RIN2: variants seen among roughly 807,000 people sequenced by gnomAD.
RIN2 encodes RAB5 interacting protein 2.
Under a neutral mutation model 78.0 loss-of-function variants are expected in RIN2, and 36 were observed. The observed-to-expected ratio is 0.46, with a 90% CI of 0.35 to 0.61. RIN2 has a LOEUF of 0.61. Among genes scored for constraint, RIN2 ranks in the 20% least tolerant of loss-of-function variants. The pLI is 0.00. For missense variants in RIN2, 1,087 were observed against 1,159.7 expected (o/e 0.94, Z 0.91); for synonymous variants, 466 against 466.8 (o/e 1.00, Z 0.02).
chr20:19,782,425 C>T (rs748311578), intron 1 of RIN2, among the ~76,000 whole-genome samples: 6 of 151,914 alleles, frequency 3.9e-5, no homozygotes, highest in Non-Finnish European at 7.4e-5. Flanking sequence ...ATTATCCAGG[C>T]GTGGTGATGC....
intron 1 of RIN2, among the ~76,000 whole-genome samples, chr20:19,767,911 C>G (rs1167058635): frequency 1.1e-5 from 1 of 93,952 alleles, no homozygotes; most frequent in Non-Finnish European, 2.1e-5. Context: ...GGCAACAGAG[C>G]AAAACTGTCT....
rs73605554 is a variant in RIN2, at chr20:19,949,479, G to T, written c.159-7136G>T. 0.023 allele frequency among the ~76,000 whole-genome samples: 3,523 copies of T among 152,282 alleles called. 327 individuals carry two copies. In the East Asian group the frequency reaches 0.3, roughly 13 times the overall value. ...GCACCATCCTTGGTTGACAGAGTAAGAATTTGTCATTTTGCCTTGAACTTT... is the reference window on the plus strand; with the variant it reads ...GCACCATCCTTGGTTGACAGAGTAATAATTTGTCATTTTGCCTTGAACTTT... On this transcript the variant is annotated intron_variant, in intron 4 of 12. Coordinates refer to ENST00000255006, the MANE Select transcript of RIN2 (RefSeq NM_018993.4).
intron 9 of RIN2, among the ~76,000 whole-genome samples, chr20:19,981,868 T>G (rs1254986677): frequency 6.6e-6 from 1 of 152,100 alleles, no homozygotes; most frequent in African/African-American, 2.4e-5. Flanking sequence ...CCCTGCAGAG[T>G]GACAGGGTGC....
intron 3 of RIN2, among the ~76,000 whole-genome samples, chr20:19,920,863 GGGTTT>G (rs1337390303): frequency 2.0e-5 from 3 of 152,180 alleles, no homozygotes; most frequent in Non-Finnish European, 2.9e-5. Context: ...AGTGGAGACG[GGGTTT>G]CACCATGTTG....
chr20:19,878,198 A>G (rs931905141), intron 2 of RIN2, among the ~76,000 whole-genome samples: 1 of 152,016 alleles, frequency 6.6e-6, no homozygotes, highest in Non-Finnish European at 1.5e-5. Flanking sequence ...TTGGGCCCAC[A>G]TCCCCTCCCT....
chr20:19,980,798 T>G (rs1404806320), intron 9 of RIN2, among the ~76,000 whole-genome samples: 1 of 152,138 alleles, frequency 6.6e-6, no homozygotes, highest in Admixed American at 6.5e-5. Context: ...TCCCTGGTCC[T>G]CAGGTCCTAC....
At chr20:19,996,956 G>A in intron 12 of RIN2, 114 bp downstream of exon 12, 4 of 1,132,078 alleles carry the variant, frequency 3.5e-6, no homozygotes, top group Non-Finnish European at 4.9e-6. Context: ...GGCAGGAAAG[G>A]GATATCTCAA....
intron 4 of RIN2, among the ~76,000 whole-genome samples, chr20:19,940,075 C>G (rs1387330853): frequency 6.6e-6 from 1 of 152,130 alleles, no homozygotes; most frequent in African/African-American, 2.4e-5. Context: ...TGGTCTTTAA[C>G]TCCTGAGTTC....
chr20:19,824,010 C>T, intron 2 of RIN2: 1 of 978,152 alleles, frequency 1.0e-6, no homozygotes, highest in Non-Finnish European at 1.5e-6. Flanking sequence ...ACCTTGGCCT[C>T]CTCCGAGCCG....
At chr20:19,945,517 C>T (rs1265839582) in intron 4 of RIN2, among the ~76,000 whole-genome samples, 1 of 152,174 alleles carries the variant, frequency 6.6e-6, no homozygotes, top group African/African-American at 2.4e-5. Context: ...CAGCAGGCCA[C>T]TTTTGTTGGA....
rs527390241 is a variant in RIN2, at chr20:19,943,421, A to G, written c.158+8222A>G. ...ACTTAAAAATTACCAAAGGCCCTAA[A>G]GGTTTTTCAGAATAGTCCTACTGTG... is the stretch of plus-strand genomic sequence containing the variant. On this transcript the variant is annotated intron_variant, in intron 4 of 12. Coordinates refer to ENST00000255006, the MANE Select transcript of RIN2 (RefSeq NM_018993.4). 3.3e-5 allele frequency among the ~76,000 whole-genome samples: 5 copies of G among 152,312 alleles called. No individual in the cohort carries two copies. The East Asian group carries it at 9.7e-4, about 29-fold the overall frequency.
Position 19,935,102 on chromosome 20 carries a change from AT to A in RIN2, c.63del (p.Ile21MetfsTer11). 6.3e-7 allele frequency: 1 copy of A among 1,592,212 alleles called. No homozygotes were observed. Among genetic ancestry groups the A allele is most frequent in the Non-Finnish European group, 8.6e-7 (1 of 1,169,338 alleles). ...TACTATTTTTGTCTTTGAATAGCTC[AT>A]TGACACAATTGCCTCGGAGATCGGA... ...LDKRGSFFKL[I>X]DTIASEIGEL... On this transcript the variant is annotated frameshift_variant, in exon 4 of 13. Coordinates refer to ENST00000255006, the MANE Select transcript of RIN2 (RefSeq NM_018993.4). LOFTEE classifies it high-confidence loss of function.
intron 12 of RIN2, 131 bp from the exon 13 acceptor site, chr20:20,000,482 G>A: frequency 2.9e-6 from 2 of 700,282 alleles, no homozygotes; most frequent in Non-Finnish European, 2.4e-6. Context: ...AAGCCTCGTG[G>A]CCTGACATCG....
intron 2 of RIN2, among the ~76,000 whole-genome samples, chr20:19,821,686 T>A (rs907445260): frequency 6.6e-6 from 1 of 152,086 alleles, no homozygotes; most frequent in African/African-American, 2.4e-5. Context: ...CTGCCTGGAA[T>A]CCCTTCGTCT....
chr20:19,890,653 A>T (rs2038405371), intron 3 of RIN2, among the ~76,000 whole-genome samples: 2 of 125,484 alleles, frequency 1.6e-5, no homozygotes, highest in South Asian at 5.6e-4. Flanking sequence ...ACCAAAACTG[A>T]TATATTGTGT....
At chr20:19,920,679 GT>G (rs2039879381) in intron 3 of RIN2, among the ~76,000 whole-genome samples, 2 of 152,066 alleles carry the variant, frequency 1.3e-5, no homozygotes, top group African/African-American at 4.8e-5. Context: ...TTTTGTTTTC[GT>G]TTTTGTTTTC....
intron 2 of RIN2, among the ~76,000 whole-genome samples, chr20:19,801,487 A>AT (rs2035241316): frequency 1.3e-5 from 2 of 151,336 alleles, no homozygotes; most frequent in African/African-American, 4.9e-5. Flanking sequence ...CGCCCGGCTA[A>AT]TTTTTTTGTA....
At chr20:19,936,286 G>C (rs1441935167) in intron 4 of RIN2, among the ~76,000 whole-genome samples, 3 of 152,126 alleles carry the variant, frequency 2.0e-5, no homozygotes, top group African/African-American at 7.2e-5. Flanking sequence ...TTCTATGATT[G>C]TTCTTGACCT....
intron 2 of RIN2, among the ~76,000 whole-genome samples, chr20:19,830,833 C>T (rs1568792438): frequency 6.6e-6 from 1 of 152,168 alleles, no homozygotes; most frequent in African/African-American, 2.4e-5. Flanking sequence ...CATGCCATGC[C>T]CAGGGATACC....
Sources: allele counts gnomAD v4.1 joint callset (sites outside exome capture counted in the v4.1 genomes callset), GRCh38; gene constraint gnomAD v4.1.1; transcripts MANE v1.5; gene names NCBI Gene and HGNC (gene_info 2026-07-23, HGNC 2026-07-21).